Variants in PPP1CB observed in about 807,000 individuals in gnomAD.
PPP1CB encodes the protein protein phosphatase 1 catalytic subunit beta, also known as serine/threonine-protein phosphatase PP1-beta catalytic subunit.
In PPP1CB, 2 loss-of-function variants were observed where a neutral mutation model predicts 43.7. The ratio of observed to expected loss-of-function variants is 0.05; its 90% confidence interval spans 0.02 to 0.14. The LOEUF (loss-of-function observed/expected upper bound fraction) is 0.14. Ranked by LOEUF, PPP1CB falls within the 10% of genes least tolerant of loss-of-function variation. The pLI, the probability that PPP1CB is intolerant of heterozygous loss-of-function variation, is 1.00. For missense variants in PPP1CB, 84 were observed against 398.0 expected (o/e 0.21, Z 6.71); for synonymous variants, 136 against 135.6 (o/e 1.00, Z -0.02).
At chr2:28,798,851 ACC>A (rs773631570) in intron 7 of PPP1CB, among the ~76,000 whole-genome samples, 2 of 152,056 alleles carry the variant, frequency 1.3e-5, no homozygotes, top group Non-Finnish European at 2.9e-5. Flanking sequence ...TAGGTTAGTT[ACC>A]CTCCTAAGTT....
At chr2:28,790,602 AGTGCTG>A (rs1303853271) in intron 6 of PPP1CB, among the ~76,000 whole-genome samples, 1 of 152,188 alleles carries the variant, frequency 6.6e-6, no homozygotes, top group Non-Finnish European at 1.5e-5. Flanking sequence ...AGCCTCCCAA[AGTGCTG>A]GGATTACAGG....
chr2:28,797,944 C>T (rs926868896), intron 7 of PPP1CB, among the ~76,000 whole-genome samples: 1 of 152,094 alleles, frequency 6.6e-6, no homozygotes, highest in African/African-American at 2.4e-5. Context: ...TGGGGCTTTC[C>T]CATTCCTCTT....
intron 2 of PPP1CB, 31 bp downstream of exon 2, chr2:28,777,013 CTT>C (rs973951150): frequency 6.3e-7 from 1 of 1,594,822 alleles, no homozygotes; most frequent in Non-Finnish European, 8.6e-7. Context: ...GGAAACAACT[CTT>C]TTGAATCATG....
chr2:28,785,647 G>GA (rs1284375446), intron 5 of PPP1CB, among the ~76,000 whole-genome samples: 17 of 149,180 alleles, frequency 1.1e-4, no homozygotes, highest in East Asian at 1.9e-4. Context: ...TCTCTACAGA[G>GA]AAAAAAAAAA....
At chr2:28,784,387 G>GT (rs1410888160) in intron 5 of PPP1CB, among the ~76,000 whole-genome samples, 1 of 151,934 alleles carries the variant, frequency 6.6e-6, no homozygotes, top group Non-Finnish European at 1.5e-5. Context: ...ATGTCTAGTA[G>GT]TTTTTTGTTA....
intron 6 of PPP1CB, among the ~76,000 whole-genome samples, chr2:28,789,201 A>G (rs896805805): frequency 3.3e-5 from 5 of 152,064 alleles, no homozygotes; most frequent in Non-Finnish European, 5.9e-5. Context: ...ACCCTAAAAG[A>G]GGAAATGTTT....
At chr2:28,774,158 A>G (rs1572455238) in intron 1 of PPP1CB, among the ~76,000 whole-genome samples, 1 of 152,252 alleles carries the variant, frequency 6.6e-6, no homozygotes, top group Admixed American at 6.5e-5. Flanking sequence ...AGGGAATAAA[A>G]TAAATACTAG....
At chr2:28,762,284 C>CTAAA (rs35438907) in intron 1 of PPP1CB, among the ~76,000 whole-genome samples, 4 of 151,538 alleles carry the variant, frequency 2.6e-5, no homozygotes, top group Non-Finnish European at 2.9e-5. Flanking sequence ...GACTGTGTCT[C>CTAAA]TAAATAAATA....
chr2:28,771,051 C>G (rs1324401919), intron 1 of PPP1CB, among the ~76,000 whole-genome samples: 2 of 31,682 alleles, frequency 6.3e-5, no homozygotes, highest in Non-Finnish European at 1.4e-4. Context: ...CCCCCCCCCC[C>G]ACCCTTTTTT....
rs1667583448 is a variant in PPP1CB, at chr2:28,800,226, C to CTTTTTTCTTTTTTTTTTTT, written c.*929_*930insCTTTTTTTTTTTTTTTTTT. On this transcript the variant is annotated 3_prime_UTR_variant, in exon 8 of 8. Coordinates refer to ENST00000395366, the MANE Select transcript of PPP1CB (RefSeq NM_002709.3). ...TTGGTTTTCTTTTTCTTTTTTCTTT[C>CTTTTTTCTTTTTTTTTTTT]TTTTTTTTTTTTTTTTTTTTTTTGA... is the stretch of plus-strand genomic sequence containing the variant. 3.0e-5 allele frequency: 2 copies of CTTTTTTCTTTTTTTTTTTT among 65,628 alleles called. No homozygotes were observed. The highest frequency in any genetic ancestry group is 2.1e-4 in the Admixed American group (1 of 4,796). 4.1% of individuals were successfully genotyped at this position (65,628 alleles called of 1,614,324 possible).
At chr2:28,780,712 G>A (rs537731060) in intron 3 of PPP1CB, among the ~76,000 whole-genome samples, 21 of 152,304 alleles carry the variant, frequency 1.4e-4, no homozygotes, top group Admixed American at 5.2e-4. Context: ...AGCACAGGAA[G>A]TTAGTACTTG....
intron 6 of PPP1CB, 139 bp downstream of exon 6, chr2:28,788,948 C>G (rs749602326): frequency 9.2e-6 from 8 of 868,676 alleles, no homozygotes; most frequent in Non-Finnish European, 1.3e-5. Context: ...ACCTGTGCCT[C>G]CCGGGTTCAG....
At chr2:28,785,609 G>A (rs1489850058) in intron 5 of PPP1CB, among the ~76,000 whole-genome samples, 1 of 151,696 alleles carries the variant, frequency 6.6e-6, no homozygotes, top group South Asian at 2.1e-4. Context: ...GTGAGGAGTC[G>A]AGACCAGCCT....
intron 1 of PPP1CB, among the ~76,000 whole-genome samples, chr2:28,770,065 T>A (rs1170238940): frequency 6.6e-6 from 1 of 152,132 alleles, no homozygotes; most frequent in East Asian, 1.9e-4. Context: ...GGTCAGGAGT[T>A]CAAGACCAGC....
chr2:28,756,878 T>A (rs1380181408), intron 1 of PPP1CB, among the ~76,000 whole-genome samples: 1 of 152,236 alleles, frequency 6.6e-6, no homozygotes, highest in Non-Finnish European at 1.5e-5. Context: ...CATTTTAAAA[T>A]GACAGCTTTA....
intron 1 of PPP1CB, among the ~76,000 whole-genome samples, chr2:28,758,048 ATTT>A (rs113722278): frequency 7.0e-6 from 1 of 143,536 alleles, no homozygotes; most frequent in Admixed American, 7.1e-5. Context: ...TTTTTAATTA[ATTT>A]TTTTTTTTTT....
At chr2:28,762,527 AAGG>A (rs368525458) in intron 1 of PPP1CB, among the ~76,000 whole-genome samples, 110 of 152,294 alleles carry the variant, frequency 7.2e-4, no homozygotes, top group African/African-American at 2.5e-3. Flanking sequence ...TAGTTAGAAA[AAGG>A]AGGAGTAGTT....
chr2:28,767,524 A>G, intron 1 of PPP1CB, among the ~76,000 whole-genome samples: 1 of 152,306 alleles, frequency 6.6e-6, no homozygotes, highest in Non-Finnish European at 1.5e-5. Context: ...AAAATGTTGC[A>G]GTACAGCAAT....
rs769650329 is a variant in PPP1CB, at chr2:28,785,065, C to CTTTTTTTTTTTTTTTTTTT, written c.592+1097_592+1115dup. ...ATGTTGTAATAAATTGTGTTAGGAG[C>CTTTTTTTTTTTTTTTTTTT]TTTTTTTTTTTTTTTTTTTTTTTTT... is the stretch of plus-strand genomic sequence containing the variant. On this transcript the variant is annotated intron_variant, in intron 5 of 7. Coordinates refer to ENST00000395366, the MANE Select transcript of PPP1CB (RefSeq NM_002709.3). Among the ~76,000 whole-genome samples, 35 of 54,996 alleles carry CTTTTTTTTTTTTTTTTTTT rather than the reference C, an allele frequency of 6.4e-4. 8 individuals are homozygous for CTTTTTTTTTTTTTTTTTTT. Among genetic ancestry groups the CTTTTTTTTTTTTTTTTTTT allele is most frequent in the African/African-American group, 9.1e-4 (11 of 12,062 alleles). The allele number at this position is 54,996 out of a possible 152,430, so 36.1% of individuals were successfully genotyped here.
Sources: allele counts gnomAD v4.1 joint callset (sites outside exome capture counted in the v4.1 genomes callset), GRCh38; gene constraint gnomAD v4.1.1; transcripts MANE v1.5; gene names NCBI Gene and HGNC (gene_info 2026-07-23, HGNC 2026-07-21).